The following MYO16 variants were observed in gnomAD, a reference collection of about 807,000 sequenced individuals.
MYO16 encodes unconventional myosin-XVI.
Under a neutral mutation model 205.3 loss-of-function variants are expected in MYO16, and 94 were observed. That is an observed-to-expected ratio of 0.46 (90% CI 0.39 to 0.54). The LOEUF is 0.54. MYO16 is among the 20% of genes least tolerant of loss of function. The pLI, the probability that MYO16 is intolerant of heterozygous loss-of-function variation, is 0.00. For synonymous variants in MYO16, 988 were observed against 954.0 expected (o/e 1.04, Z -0.66); for missense variants, 2,315 against 2,387.5 (o/e 0.97, Z 0.63).
At chr13:108,667,327 T>TTG (rs1881783804) in intron 2 of MYO16, among the ~76,000 whole-genome samples, 1 of 151,248 alleles carries the variant, frequency 6.6e-6, no homozygotes, top group African/African-American at 2.4e-5. Flanking sequence ...TTTGTTTTTT[T>TTG]TTTTTTTTTG....
At chr13:108,827,667 G>C (rs1876348651) in intron 9 of MYO16, among the ~76,000 whole-genome samples, 1 of 152,118 alleles carries the variant, frequency 6.6e-6, no homozygotes. Context: ...CTGTAAGCCT[G>C]CTTTGTCTTC....
At chr13:109,112,062 C>G (rs149704856) in intron 28 of MYO16, among the ~76,000 whole-genome samples, 1 of 152,126 alleles carries the variant, frequency 6.6e-6, no homozygotes, top group African/African-American at 2.4e-5. Flanking sequence ...AGTGAAAACT[C>G]CATTCATAAG....
chr13:108,726,012 C>A (rs1884324014), intron 3 of MYO16, among the ~76,000 whole-genome samples: 1 of 152,126 alleles, frequency 6.6e-6, no homozygotes, highest in Non-Finnish European at 1.5e-5. Flanking sequence ...TACAGGGAAG[C>A]AGAAATTCTA....
intron 27 of MYO16, among the ~76,000 whole-genome samples, chr13:109,065,248 T>G (rs2139635375): frequency 6.6e-6 from 1 of 152,284 alleles, no homozygotes; most frequent in South Asian, 2.1e-4. Flanking sequence ...TCTCGCTGTA[T>G]TCTATTCATC....
chr13:109,155,234 G>A (rs1304669572), intron 32 of MYO16, among the ~76,000 whole-genome samples: 1 of 152,128 alleles, frequency 6.6e-6, no homozygotes, highest in Non-Finnish European at 1.5e-5. Flanking sequence ...ACTTGGCGGG[G>A]GGGTGGGTGA....
At chr13:108,931,395 G>A (rs1443694766) in intron 16 of MYO16, among the ~76,000 whole-genome samples, 4 of 152,120 alleles carry the variant, frequency 2.6e-5, no homozygotes, top group African/African-American at 9.7e-5. Context: ...TCTTTTGCTT[G>A]GATTCTCCTC....
the MYO16 span, among the ~76,000 whole-genome samples, chr13:108,535,199 G>A: frequency 6.6e-6 from 1 of 151,814 alleles, no homozygotes; most frequent in African/African-American, 2.4e-5. Flanking sequence ...CTTTGAATGG[G>A]GAAATAATCT....
chr13:108,623,552 T>C (rs541892698), intron 1 of MYO16, among the ~76,000 whole-genome samples: 1 of 152,318 alleles, frequency 6.6e-6, no homozygotes, highest in East Asian at 1.9e-4. Flanking sequence ...CATGCTTGAA[T>C]GAAGAAGGGG....
At chr13:108,626,133 C>A (rs1406377136), upstream of MYO16, among the ~76,000 whole-genome samples, 1 of 151,750 alleles carries the variant, frequency 6.6e-6, no homozygotes. Context: ...TTGAAAAAAT[C>A]TGGTGTATAA....
At chr13:108,740,646 C>T (rs1884874774) in intron 4 of MYO16, among the ~76,000 whole-genome samples, 1 of 152,160 alleles carries the variant, frequency 6.6e-6, no homozygotes, top group Non-Finnish European at 1.5e-5. Flanking sequence ...GGGAGAACCA[C>T]TACTCTCTTC....
At chr13:108,668,689 A>G (rs1008205442) in intron 2 of MYO16, among the ~76,000 whole-genome samples, 13 of 152,086 alleles carry the variant, frequency 8.5e-5, no homozygotes, top group African/African-American at 2.4e-4. Context: ...TTCTTTGTCC[A>G]TCCTTGTATC....
chr13:108,721,086 TA>T (rs1462469724), intron 3 of MYO16, among the ~76,000 whole-genome samples: 2 of 152,214 alleles, frequency 1.3e-5, no homozygotes, highest in African/African-American at 4.8e-5. Flanking sequence ...GATGAATCAA[TA>T]ATGTGCATTG....
At chr13:109,080,417 T>C (rs1008980139) in intron 27 of MYO16, among the ~76,000 whole-genome samples, 3 of 152,174 alleles carry the variant, frequency 2.0e-5, no homozygotes, top group Admixed American at 2.0e-4. Flanking sequence ...GGATTTTAAT[T>C]AAGTTAAAAT....
intron 4 of MYO16, among the ~76,000 whole-genome samples, chr13:108,759,552 T>G (rs1885527671): frequency 2.0e-5 from 3 of 152,204 alleles, no homozygotes; most frequent in Admixed American, 2.0e-4. Context: ...CCGGGCGTGG[T>G]GGCTCACGCC....
chr13:108,725,959 CT>C (rs1340071692), intron 3 of MYO16, among the ~76,000 whole-genome samples: 1 of 151,984 alleles, frequency 6.6e-6, no homozygotes, highest in Non-Finnish European at 1.5e-5. Flanking sequence ...TTTTGTTTTT[CT>C]TTTTTAGTTG....
At chr13:108,530,306 G>A in the MYO16 span, among the ~76,000 whole-genome samples, 1 of 152,208 alleles carries the variant, frequency 6.6e-6, no homozygotes, top group African/African-American at 2.4e-5. Flanking sequence ...TAGCATTAAG[G>A]ATGCTGAAAA....
At chr13:108,925,183 C>T (rs12100417) in intron 16 of MYO16, among the ~76,000 whole-genome samples, 1,803 of 152,078 alleles carry the variant, frequency 0.012, 37 homozygotes, top group African/African-American at 0.041. Context: ...TCACTGGTCC[C>T]GGCATCTCTC....
chr13:108,699,294 C>T (rs1207148075), intron 2 of MYO16, among the ~76,000 whole-genome samples: 2 of 151,878 alleles, frequency 1.3e-5, no homozygotes, highest in Non-Finnish European at 2.9e-5. Flanking sequence ...ATTTTAATAA[C>T]TTCCACAGAT....
chr13:108,994,289 G>A (rs1291626813), intron 21 of MYO16, among the ~76,000 whole-genome samples: 1 of 151,054 alleles, frequency 6.6e-6, no homozygotes, highest in African/African-American at 2.4e-5. Context: ...ACAATTCTGG[G>A]ACTTAAATTT....
Sources: gnomAD v4.1 joint callset for allele counts (sites outside exome capture counted in the v4.1 genomes callset) on GRCh38, gnomAD v4.1.1 for gene constraint, MANE v1.5 for transcripts, NCBI Gene and HGNC (gene_info 2026-07-23, HGNC 2026-07-21) for gene names.